The following MAP3K7 variants were observed in gnomAD, a reference collection of about 807,000 sequenced individuals.
The protein encoded by MAP3K7 is TGF-beta activated kinase 1.
In MAP3K7, 21 loss-of-function variants were observed where a neutral mutation model predicts 84.8. That is an observed-to-expected ratio of 0.25 (90% CI 0.18 to 0.36). MAP3K7 has a LOEUF of 0.36. Ranked by LOEUF, MAP3K7 falls within the 10% of genes least tolerant of loss-of-function variation. The probability of loss-of-function intolerance (pLI) is 1.00; values close to 1 mark genes in which losing one functional copy is unlikely to be tolerated. For missense variants in MAP3K7, 503 were observed against 747.7 expected, an observed-to-expected ratio of 0.67 and a Z score of 3.82; for synonymous variants, 241 against 247.7, an observed-to-expected ratio of 0.97 and a Z score of 0.25.
intron 12 of MAP3K7, among the ~76,000 whole-genome samples, chr6:90,541,130 A>G (rs1313265049): frequency 6.6e-6 from 1 of 152,046 alleles, no homozygotes; most frequent in East Asian, 1.9e-4. Flanking sequence ...GAAAAACTTC[A>G]AAGAATCCAA....
intron 13 of MAP3K7, among the ~76,000 whole-genome samples, chr6:90,527,359 C>T (rs1345655625): frequency 6.6e-6 from 1 of 151,938 alleles, no homozygotes; most frequent in African/African-American, 2.4e-5. Flanking sequence ...ACCTCCTGGG[C>T]TCAAGTAATC....
intron 7 of MAP3K7, 32 bp downstream of exon 7, chr6:90,553,426 A>G: frequency 1.3e-6 from 2 of 1,599,364 alleles, no homozygotes; most frequent in African/African-American, 1.4e-5. Flanking sequence ...AAACACAAAA[A>G]GTACTTTTAA....
At chr6:90,534,640 A>G (rs1775607931) in intron 13 of MAP3K7, among the ~76,000 whole-genome samples, 1 of 152,214 alleles carries the variant, frequency 6.6e-6, no homozygotes, top group Non-Finnish European at 1.5e-5. Context: ...GGTAACAACG[A>G]AAATCTCAAA....
chr6:90,569,915 T>G (rs1221720640), intron 2 of MAP3K7, among the ~76,000 whole-genome samples: 1 of 152,220 alleles, frequency 6.6e-6, no homozygotes, highest in Non-Finnish European at 1.5e-5. Flanking sequence ...CTGGCTCATA[T>G]TCAGTACACT....
At chr6:90,556,356 T>C (rs1185525902) in intron 6 of MAP3K7, 144 bp downstream of exon 6, 7 of 761,826 alleles carry the variant, frequency 9.2e-6, no homozygotes, top group Non-Finnish European at 9.9e-6. Context: ...TATAACACTA[T>C]ATTTAATATC....
At chr6:90,522,748 A>G (rs536155929) in intron 14 of MAP3K7, among the ~76,000 whole-genome samples, 1 of 152,226 alleles carries the variant, frequency 6.6e-6, no homozygotes, top group African/African-American at 2.4e-5. Flanking sequence ...TTAAATTATA[A>G]ACTTGACCAA....
chr6:90,553,669 G>A (rs992862800), intron 6 of MAP3K7, 83 bp from the exon 7 acceptor site: 3 of 1,159,744 alleles, frequency 2.6e-6, no homozygotes, highest in Non-Finnish European at 3.7e-6. Context: ...TTTTGAGAAT[G>A]GGTATCAGGG....
chr6:90,520,958 C>T (rs1775129651), intron 14 of MAP3K7, among the ~76,000 whole-genome samples: 1 of 152,030 alleles, frequency 6.6e-6, no homozygotes, highest in Admixed American at 6.6e-5. Flanking sequence ...ATCACTGATA[C>T]ATTATATATC....
intron 11 of MAP3K7, 75 bp downstream of exon 11, chr6:90,547,183 T>G (rs1776027971): frequency 7.1e-6 from 11 of 1,545,526 alleles, no homozygotes; most frequent in Non-Finnish European, 5.3e-6. Flanking sequence ...ACAAAAAACC[T>G]TTGACAACTG....
rs45625637 is a variant in MAP3K7 at position 90,556,631 on chromosome 6, A to T, written c.483-7T>A. 0.081 allele frequency: 119,966 copies of T among 1,475,266 alleles called. 4,868 individuals are homozygous for T. The highest frequency in any genetic ancestry group is 0.11 in the Admixed American group (4,187 of 39,312). The allele number at this position is 1,475,266 out of a possible 1,614,324, so 91.4% of individuals were successfully genotyped here. On this transcript the variant is annotated splice_polypyrimidine_tract_variant and splice_region_variant and intron_variant, in intron 5 of 16. Coordinates refer to ENST00000369329, the MANE Select transcript of MAP3K7 (RefSeq NM_145331.3). The stretch of plus-strand genomic sequence containing the variant: ...CCCTGCAACCAGCAGTAAGCTGTTT[A>T]AAAAAAAACAAAAAACATCAAAAGT...
At chr6:90,532,131 C>T (rs904858524) in intron 13 of MAP3K7, among the ~76,000 whole-genome samples, 2 of 152,088 alleles carry the variant, frequency 1.3e-5, no homozygotes, top group Non-Finnish European at 2.9e-5. Context: ...TAAATCACAT[C>T]CCTTAAATAA....
At chr6:90,586,721 G>T (rs963320182) in intron 1 of MAP3K7, 43 bp downstream of exon 1, 8 of 1,543,590 alleles carry the variant, frequency 5.2e-6, no homozygotes, top group Non-Finnish European at 6.1e-6. Flanking sequence ...AGGCGGGGGC[G>T]GGGCAGGCCG....
At chr6:90,520,351 T>G (rs1362065549) in intron 14 of MAP3K7, among the ~76,000 whole-genome samples, 1 of 151,872 alleles carries the variant, frequency 6.6e-6, no homozygotes, top group Non-Finnish European at 1.5e-5. Context: ...TCTTCTAATT[T>G]ATTGTCAACT....
chr6:90,583,349 A>C (rs1777341982), intron 1 of MAP3K7, among the ~76,000 whole-genome samples: 1 of 152,212 alleles, frequency 6.6e-6, no homozygotes, highest in African/African-American at 2.4e-5. Flanking sequence ...CTGTAAATCC[A>C]GTGGAAAGGG....
chr6:90,558,279 G>A (rs1284079963), intron 5 of MAP3K7, among the ~76,000 whole-genome samples: 2 of 151,916 alleles, frequency 1.3e-5, no homozygotes, highest in African/African-American at 4.8e-5. Flanking sequence ...CTGAGATTGC[G>A]CCACTGCACT....
At chr6:90,563,468 G>A (rs944969506) in intron 3 of MAP3K7, among the ~76,000 whole-genome samples, 1 of 152,150 alleles carries the variant, frequency 6.6e-6, no homozygotes, top group African/African-American at 2.4e-5. Flanking sequence ...GGAAGAAAGG[G>A]TATCAGTGAT....
chr6:90,582,115 G>T (rs1329519941), intron 1 of MAP3K7, among the ~76,000 whole-genome samples: 2 of 152,100 alleles, frequency 1.3e-5, no homozygotes, highest in Non-Finnish European at 2.9e-5. Context: ...GCACTCTGTA[G>T]TAAAGACCTA....
At chr6:90,540,523 G>A (rs1000589629) in intron 12 of MAP3K7, among the ~76,000 whole-genome samples, 2 of 151,816 alleles carry the variant, frequency 1.3e-5, no homozygotes, top group African/African-American at 2.4e-5. Context: ...CAATCAAGCC[G>A]GTATGAACCA....
chr6:90,524,384 A>G (rs1298311700), intron 13 of MAP3K7, among the ~76,000 whole-genome samples: 2 of 152,238 alleles, frequency 1.3e-5, no homozygotes, highest in Non-Finnish European at 2.9e-5. Context: ...AATTCCAACC[A>G]CAACAAATCC....
Sources: allele counts gnomAD v4.1 joint callset (sites outside exome capture counted in the v4.1 genomes callset), GRCh38; gene constraint gnomAD v4.1.1; transcripts MANE v1.5; gene names NCBI Gene and HGNC (gene_info 2026-07-23, HGNC 2026-07-21).